Variants in SHANK2 observed in about 807,000 individuals in gnomAD.
SHANK2 encodes the protein SH3 and multiple ankyrin repeat domains protein 2.
Under a neutral mutation model 133.7 loss-of-function variants are expected in SHANK2, and 43 were observed. The ratio of observed to expected loss-of-function variants is 0.32; its 90% CI spans 0.25 to 0.41. The LOEUF (loss-of-function observed/expected upper bound fraction) is 0.41, where lower values mean the gene tolerates loss of function less well. Among genes scored for constraint, SHANK2 ranks in the 10% least tolerant of loss-of-function variants. SHANK2 has a pLI of 1.00. For synonymous variants in SHANK2, 1,017 were observed against 952.8 expected (o/e 1.07, Z -1.24); for missense variants, 1,994 against 2,235.8 (o/e 0.89, Z 2.18).
At chr11:70,847,908 G>A (rs573080264) in intron 11 of SHANK2, among the ~76,000 whole-genome samples, 43 of 152,350 alleles carry the variant, frequency 2.8e-4, no homozygotes, top group African/African-American at 9.4e-4. Context: ...AGGAGACCAC[G>A]TCCTCCCAGG....
chr11:71,112,569 T>C (rs1402730982), intron 5 of SHANK2, among the ~76,000 whole-genome samples: 1 of 152,094 alleles, frequency 6.6e-6, no homozygotes, highest in African/African-American at 2.4e-5. Context: ...CTGCCCGGAC[T>C]CTCCACCCCA....
intron 17 of SHANK2, among the ~76,000 whole-genome samples, chr11:70,590,495 G>A (rs1176923690): frequency 6.6e-6 from 1 of 152,164 alleles, no homozygotes; most frequent in Non-Finnish European, 1.5e-5. Flanking sequence ...AAAGTCAATT[G>A]ATGTGGTAAA....
intron 17 of SHANK2, chr11:70,634,605 A>G (rs1555003299): frequency 1.3e-5 from 2 of 152,250 alleles, no homozygotes. Context: ...TCATGCCTGT[A>G]ATCCCAGCAC....
intron 21 of SHANK2, among the ~76,000 whole-genome samples, chr11:70,493,059 G>A (rs1463647049): frequency 3.3e-5 from 5 of 151,884 alleles, no homozygotes; most frequent in Non-Finnish European, 5.9e-5. Flanking sequence ...GCCTCCCAAA[G>A]TGCTGGGATT....
At chr11:70,744,849 A>G (rs1420915362) in intron 14 of SHANK2, among the ~76,000 whole-genome samples, 1 of 152,192 alleles carries the variant, frequency 6.6e-6, no homozygotes, top group Non-Finnish European at 1.5e-5. Context: ...TCAAGCACAC[A>G]GGCCACCTCT....
intron 14 of SHANK2, among the ~76,000 whole-genome samples, chr11:70,702,035 T>C (rs1011911870): frequency 1.3e-5 from 2 of 150,246 alleles, no homozygotes; most frequent in Non-Finnish European, 3.0e-5. Context: ...ACCATCATCA[T>C]CACCACCACC....
intron 17 of SHANK2, among the ~76,000 whole-genome samples, chr11:70,606,811 G>T (rs1024447325): frequency 6.6e-6 from 1 of 152,182 alleles, no homozygotes; most frequent in African/African-American, 2.4e-5. Flanking sequence ...GGGTCAAACC[G>T]CAGCAGGAAG....
At chr11:70,732,721 G>T (rs565229662) in intron 14 of SHANK2, among the ~76,000 whole-genome samples, 1 of 152,174 alleles carries the variant, frequency 6.6e-6, no homozygotes, top group African/African-American at 2.4e-5. Context: ...GCTTCTGTCC[G>T]GTCTCTGCTG....
At chr11:70,548,468 G>C (rs185272690) in intron 17 of SHANK2, among the ~76,000 whole-genome samples, 51 of 152,272 alleles carry the variant, frequency 3.3e-4, no homozygotes, top group Admixed American at 1.5e-3. Flanking sequence ...GCTGGGCTCC[G>C]TTCTCAGGGC....
intron 11 of SHANK2, chr11:70,826,839 T>G (rs1424521808): frequency 1.3e-5 from 3 of 234,858 alleles, no homozygotes; most frequent in African/African-American, 6.7e-5. Flanking sequence ...CGCGGAGGGT[T>G]AACGCGGATC....
intron 10 of SHANK2, chr11:70,950,242 T>A (rs895167290): frequency 4.5e-5 from 18 of 401,346 alleles, no homozygotes; most frequent in African/African-American, 3.8e-4. Context: ...AGTGGCAAGA[T>A]CTCTGCTCAC....
chr11:71,173,172 C>T (rs781913357), intron 2 of SHANK2, among the ~76,000 whole-genome samples: 7 of 152,226 alleles, frequency 4.6e-5, no homozygotes, highest in Non-Finnish European at 8.8e-5. Flanking sequence ...TCTTTTGTGA[C>T]TATAAAATAC....
At chr11:70,796,167 G>T (rs537368619) in intron 14 of SHANK2, among the ~76,000 whole-genome samples, 1 of 152,292 alleles carries the variant, frequency 6.6e-6, no homozygotes, top group East Asian at 1.9e-4. Context: ...CGGGGCTAGA[G>T]AAAGCCATAC....
intron 11 of SHANK2, among the ~76,000 whole-genome samples, chr11:70,873,360 C>A (rs1184461030): frequency 6.6e-6 from 1 of 152,216 alleles, no homozygotes; most frequent in African/African-American, 2.4e-5. Flanking sequence ...ATTCATGAGA[C>A]AGGAGGGCCC....
intron 15 of SHANK2, chr11:70,698,235 GC>G (rs1407720518): frequency 5.0e-6 from 1 of 200,744 alleles, no homozygotes; most frequent in Non-Finnish European, 1.0e-5. Flanking sequence ...TGGCTCGCCT[GC>G]CCCCTTCCTT....
intron 11 of SHANK2, chr11:70,826,602 G>A: frequency 2.2e-6 from 1 of 461,820 alleles, no homozygotes; most frequent in Non-Finnish European, 4.5e-6. Context: ...TAGAGCAGCT[G>A]GGACCCGGGG....
intron 14 of SHANK2, among the ~76,000 whole-genome samples, chr11:70,729,724 G>A (rs1431553827): frequency 1.3e-5 from 2 of 150,426 alleles, no homozygotes; most frequent in Admixed American, 6.6e-5. Flanking sequence ...TAGTAGAGAC[G>A]GGGTTTCACC....
At chr11:70,520,771 TGGACCCA>T (rs2059320662) in intron 17 of SHANK2, among the ~76,000 whole-genome samples, 2 of 152,350 alleles carry the variant, frequency 1.3e-5, no homozygotes, top group South Asian at 4.1e-4. Flanking sequence ...TTTATCAGTG[TGGACCCA>T]TGAATACTCA....
intron 14 of SHANK2, among the ~76,000 whole-genome samples, chr11:70,793,661 GT>G (rs1555048511): frequency 6.6e-6 from 1 of 152,176 alleles, no homozygotes; most frequent in African/African-American, 2.4e-5. Context: ...AACAGCTGAA[GT>G]TAAACAGACT....
Sources: allele counts gnomAD v4.1 joint callset (sites outside exome capture counted in the v4.1 genomes callset), GRCh38; gene constraint gnomAD v4.1.1; transcripts MANE v1.5; gene names NCBI Gene and HGNC (gene_info 2026-07-23, HGNC 2026-07-21).